PPP4R1: variants seen among roughly 807,000 people sequenced by gnomAD.
PPP4R1 encodes the protein serine/threonine-protein phosphatase 4 regulatory subunit 1.
In PPP4R1, 42 loss-of-function variants were observed where a neutral mutation model predicts 111.2. The ratio of observed to expected loss-of-function variants is 0.38; its 90% CI spans 0.29 to 0.49. The LOEUF is 0.49. PPP4R1 is among the 20% of genes least tolerant of loss of function. The probability of loss-of-function intolerance (pLI) is 0.97; values close to 1 mark genes in which losing one functional copy is unlikely to be tolerated. For missense variants in PPP4R1, 1,012 were observed against 1,161.6 expected (o/e 0.87, Z 1.87); for synonymous variants, 409 against 405.5 (o/e 1.01, Z -0.10).
chr18:9,593,607 AC>A (rs2067246059), intron 4 of PPP4R1, among the ~76,000 whole-genome samples, 160 bp downstream of exon 4: 1 of 152,244 alleles, frequency 6.6e-6, no homozygotes, highest in Admixed American at 6.5e-5. Flanking sequence ...GGTCTCAGTA[AC>A]AAATTTTACT....
intron 11 of PPP4R1, among the ~76,000 whole-genome samples, chr18:9,565,013 A>G (rs1219888164): frequency 6.6e-6 from 1 of 152,074 alleles, no homozygotes; most frequent in African/African-American, 2.4e-5. Context: ...TGGGCGTGAT[A>G]ACTGTACTTT....
chr18:9,600,809 A>T (rs1193036085), intron 2 of PPP4R1, among the ~76,000 whole-genome samples: 1 of 152,162 alleles, frequency 6.6e-6, no homozygotes, highest in Non-Finnish European at 1.5e-5. Flanking sequence ...TGAGTACGGG[A>T]GGCAGACATT....
At chr18:9,590,233 G>A (rs991303754) in intron 4 of PPP4R1, 1 of 152,110 alleles carries the variant, frequency 6.6e-6, no homozygotes, top group Non-Finnish European at 1.5e-5. Context: ...GATATCAACA[G>A]AGAAATTAAC....
intron 9 of PPP4R1, among the ~76,000 whole-genome samples, chr18:9,579,277 C>T (rs2066987366): frequency 6.6e-6 from 1 of 152,112 alleles, no homozygotes; most frequent in African/African-American, 2.4e-5. Flanking sequence ...GTTTCAATGA[C>T]TTTAAGAAAT....
chr18:9,606,144 A>C (rs942474126), intron 2 of PPP4R1, among the ~76,000 whole-genome samples: 10 of 152,348 alleles, frequency 6.6e-5, no homozygotes, highest in Admixed American at 2.0e-4. Flanking sequence ...GTGAAACATC[A>C]AGATTCATTC....
Position 9,614,518 on chromosome 18 carries a change from GGAGCCGGGGCTACATGGAGCGGCGC to G in PPP4R1, c.-59_-35del, listed in dbSNP as rs1263453864. ...CGCCCCCTCCTCCGCGGCCGCCCGGGGAGCCGGGGCTACATGGAGCGGCGCGAGCCGGGGAGCCGGTGGACGCGCG... is the reference window on the plus strand; with the variant it reads ...CGCCCCCTCCTCCGCGGCCGCCCGGGGAGCCGGGGAGCCGGTGGACGCGCG... On this transcript the variant is annotated 5_prime_UTR_variant, in exon 1 of 20. It removes an upstream start codon present in the reference 5' UTR. Coordinates refer to ENST00000400556, the MANE Select transcript of PPP4R1 (RefSeq NM_001042388.3). The surrounding 1 kb of genome is among the most constrained non-coding windows in gnomAD (Gnocchi z 4.1). 4.6e-5 allele frequency: 47 copies of G among 1,015,832 alleles called. No individual in the cohort carries two copies. The highest frequency in any genetic ancestry group is 4.0e-4 in the African/African-American group (23 of 57,396). 62.9% of individuals were successfully genotyped at this position (1,015,832 alleles called of 1,614,324 possible). A position where few individuals can be genotyped will look rare whatever the true frequency, so the allele number is the denominator to read the frequency against.
chr18:9,570,917 A>G (rs1598913525), intron 10 of PPP4R1, among the ~76,000 whole-genome samples: 2 of 152,336 alleles, frequency 1.3e-5, no homozygotes, highest in Admixed American at 1.3e-4. Context: ...CAAGCAATAT[A>G]TATTAGTTAG....
Position 9,583,229 on chromosome 18 carries a change from C to A in PPP4R1, c.806G>T (p.Arg269Leu). 1 of 1,607,540 alleles carries A rather than the reference C, an allele frequency of 6.2e-7. No homozygotes were observed. The highest frequency in any genetic ancestry group is 8.5e-7 in the Non-Finnish European group (1 of 1,175,504). ...CATGAAGCATTCAGCACAAGCCTTTCGGACTCCCCATACATTATCAGAACA... is the reference window on the plus strand; with the variant it reads ...CATGAAGCATTCAGCACAAGCCTTTAGGACTCCCCATACATTATCAGAACA... ...QLCSDNVWGV[R>L]KACAECFMAV... Residue 269 changes from arginine to leucine, a missense_variant, in exon 9 of 20, where the codon CGA (arginine) becomes CTA (leucine). By Grantham distance (102) the Arg-to-Leu change is moderately radical. Transcript: ENST00000400556.
chr18:9,558,822 T>C (rs956733132), intron 14 of PPP4R1, among the ~76,000 whole-genome samples: 1 of 151,990 alleles, frequency 6.6e-6, no homozygotes, highest in Admixed American at 6.6e-5. Context: ...TCATCAAGCC[T>C]GGGAAGAGGT....
In PPP4R1 at chr18:9,584,408, T is replaced by A. The variant is rs976569650; in HGVS notation, c.759+107A>T. 5.4e-6 allele frequency: 5 copies of A among 923,912 alleles called. No individual in the cohort carries two copies. In the African/African-American group the frequency reaches 6.8e-5, roughly 13 times the overall value. 57.2% of individuals were successfully genotyped at this position (923,912 alleles called of 1,614,324 possible). The stretch of plus-strand genomic sequence containing the variant: ...TTCAAAATTATCTTTCTGGTTTATA[T>A]TCATGGAATTGTGTTAATAAAACTT... On this transcript the variant is annotated intron_variant, in intron 8 of 19. Coordinates refer to ENST00000400556, the MANE Select transcript of PPP4R1 (RefSeq NM_001042388.3).
intron 14 of PPP4R1, among the ~76,000 whole-genome samples, chr18:9,558,538 G>T (rs2066623331): frequency 1.3e-5 from 2 of 152,090 alleles, no homozygotes; most frequent in African/African-American, 4.8e-5. Flanking sequence ...CCTGGGCCCA[G>T]CTTTCCTAAC....
At chr18:9,564,069 T>A (rs2145067047) in intron 11 of PPP4R1, among the ~76,000 whole-genome samples, 1 of 152,248 alleles carries the variant, frequency 6.6e-6, no homozygotes, top group African/African-American at 2.4e-5. Context: ...AATTGCATCT[T>A]CTCCCAAACA....
rs1318903186 is a variant in PPP4R1 at position 9,577,204 on chromosome 18, A to G, written c.919-13T>C. 30 of 1,593,266 alleles carry G rather than the reference A, an allele frequency of 1.9e-5. No homozygotes were observed. The highest frequency in any genetic ancestry group is 2.7e-5 in the African/African-American group (2 of 73,624). On this transcript the variant is annotated splice_polypyrimidine_tract_variant and intron_variant, in intron 9 of 19. Transcript: ENST00000400556. ...CTGCTTGGCGAACCTAGGAAGATAA[A>G]AAGGACAATAATAAAGGAATCATTT...
chr18:9,562,964 A>G, intron 12 of PPP4R1: 3 of 996,714 alleles, frequency 3.0e-6, no homozygotes, highest in Non-Finnish European at 3.6e-6. Context: ...GCCCTCCGCA[A>G]CATGGCCTCA....
At position 9,563,035 on chromosome 18, in the gene PPP4R1, A is replaced by T. The variant is rs1021910398; in HGVS notation, c.1746+343T>A. 3 of 1,033,274 alleles carry T rather than the reference A, an allele frequency of 2.9e-6. No homozygotes were observed. In the African/African-American group the frequency reaches 5.2e-5, roughly 18 times the overall value. The allele number at this position is 1,033,274 out of a possible 1,614,324, so 64.0% of individuals were successfully genotyped here. A position where few individuals can be genotyped will look rare whatever the true frequency, so the allele number is the denominator to read the frequency against. On this transcript the variant is annotated intron_variant, in intron 12 of 19. Coordinates refer to ENST00000400556, the MANE Select transcript of PPP4R1 (RefSeq NM_001042388.3). The stretch of plus-strand genomic sequence containing the variant: ...GCTGCAGTGAAATGGTCCGATCAGA[A>T]ACAAAGCACCTCTCCAAAAAGAAAA...
rs1250562306 is a variant in PPP4R1 at position 9,614,175 on chromosome 18, C to T, written c.52+51G>A. The T allele has an allele frequency of 6.1e-6, 8 of 1,312,076 alleles. No individual in the cohort carries two copies. Among genetic ancestry groups the T allele is most frequent in the East Asian group, 3.5e-5 (1 of 28,782 alleles). 81.3% of individuals were successfully genotyped at this position (1,312,076 alleles called of 1,614,324 possible). On this transcript the variant is annotated intron_variant, in intron 2 of 19. Coordinates refer to ENST00000400556, the MANE Select transcript of PPP4R1 (RefSeq NM_001042388.3). This position sits in a 1 kb window ranked among gnomAD's most constrained non-coding sequence, Gnocchi z 4.1. ...CCAGGCCTCGCCGCCGCCCGCCCTC[C>T]CCGGCCGCTCCCCGCGGACTGCCAG... is the stretch of plus-strand genomic sequence containing the variant.
At chr18:9,576,763 G>A (rs2066942189) in intron 10 of PPP4R1, among the ~76,000 whole-genome samples, 1 of 145,546 alleles carries the variant, frequency 6.9e-6, no homozygotes, top group Admixed American at 6.9e-5. Flanking sequence ...ACTAAATAAT[G>A]TACTAAATAA....
At chr18:9,564,697 G>GGTGT (rs1178823297) in intron 11 of PPP4R1, among the ~76,000 whole-genome samples, 5,231 of 93,420 alleles carry the variant, frequency 0.056, 133 homozygotes, top group East Asian at 0.12. Flanking sequence ...TAAAGTGCAT[G>GGTGT]GTGTGTGTGT....
Position 9,553,511 on chromosome 18 carries a change from A to G in PPP4R1, c.2191-89T>C, listed in dbSNP as rs1013225533. The G allele has an allele frequency of 7.5e-6, 6 of 802,184 alleles. No individual in the cohort carries two copies. In the Admixed American group the frequency reaches 1.6e-4, roughly 21 times the overall value. 49.7% of individuals were successfully genotyped at this position (802,184 alleles called of 1,614,324 possible). ...TGCTTAAAAACAGACTGTAAGCAAT[A>G]TGGTTAATTCTTCTGAAGAGGAAAT... On this transcript the variant is annotated intron_variant, in intron 15 of 19. Coordinates refer to ENST00000400556, the MANE Select transcript of PPP4R1 (RefSeq NM_001042388.3).
Sources: gnomAD v4.1 joint callset for allele counts (sites outside exome capture counted in the v4.1 genomes callset) on GRCh38, gnomAD v4.1.1 for gene constraint, Gnocchi (gnomAD v3.1) non-coding constraint, MANE v1.5 for transcripts, NCBI Gene and HGNC (gene_info 2026-07-23, HGNC 2026-07-21) for gene names.